PCDH15: variants seen among roughly 807,000 people sequenced by gnomAD.
PCDH15 encodes the protein protocadherin related 15.
In PCDH15, 129 loss-of-function variants were observed where a neutral mutation model predicts 178.5. The observed-to-expected ratio is 0.72, with a 90% CI of 0.63 to 0.84. The LOEUF is 0.84. Among genes scored for constraint, PCDH15 ranks in the 40% least tolerant of loss-of-function variants. The pLI is 0.00. For synonymous variants in PCDH15, 800 were observed against 732.0 expected (o/e 1.09, Z -1.50); for missense variants, 2,230 against 2,099.9 (o/e 1.06, Z -1.21).
At chr10:53,912,714 C>A (rs1383322318) in intron 25 of PCDH15, among the ~76,000 whole-genome samples, 1 of 152,114 alleles carries the variant, frequency 6.6e-6, no homozygotes, top group Admixed American at 6.6e-5. Flanking sequence ...GAATAAAATA[C>A]CTAGGAATCC....
chr10:53,826,162 T>C (rs1159264885), intron 32 of PCDH15, among the ~76,000 whole-genome samples: 1 of 151,868 alleles, frequency 6.6e-6, no homozygotes, highest in Non-Finnish European at 1.5e-5. Context: ...GAAACAATCA[T>C]TTTTCAACTT....
At chr10:54,785,967 T>C (rs7093268) in intron 1 of PCDH15, among the ~76,000 whole-genome samples, 2,558 of 152,088 alleles carry the variant, frequency 0.017, 78 homozygotes, top group African/African-American at 0.059. Context: ...CCTAGAGCTA[T>C]AGACTGAAGT....
At chr10:55,030,098 G>A (rs1276610807) in intron 2 of PCDH15, among the ~76,000 whole-genome samples, 1 of 152,146 alleles carries the variant, frequency 6.6e-6, no homozygotes, top group Non-Finnish European at 1.5e-5. Flanking sequence ...AGCTGGTTAA[G>A]ATTTTATAAT....
chr10:54,505,302 A>T (rs557113888), intron 3 of PCDH15, among the ~76,000 whole-genome samples: 1 of 152,254 alleles, frequency 6.6e-6, no homozygotes, highest in South Asian at 2.1e-4. Flanking sequence ...AGGTCTCTGT[A>T]TGTAGCTAAT....
At chr10:54,273,029 T>A (rs1432333477) in intron 8 of PCDH15, among the ~76,000 whole-genome samples, 3 of 152,222 alleles carry the variant, frequency 2.0e-5, no homozygotes, top group Non-Finnish European at 4.4e-5. Context: ...ACATTTTAAA[T>A]AAGTGAATTT....
chr10:54,329,063 A>T (rs1289772118), intron 7 of PCDH15, among the ~76,000 whole-genome samples: 1 of 151,964 alleles, frequency 6.6e-6, no homozygotes, highest in Non-Finnish European at 1.5e-5. Flanking sequence ...ACATTAGCAT[A>T]AACTTCAGTT....
intron 3 of PCDH15, among the ~76,000 whole-genome samples, chr10:54,896,307 T>G (rs1954544830): frequency 6.6e-6 from 1 of 152,196 alleles, no homozygotes; most frequent in Non-Finnish European, 1.5e-5. Flanking sequence ...CATAAAGCAT[T>G]CACATCTAAT....
intron 3 of PCDH15, among the ~76,000 whole-genome samples, chr10:54,855,255 G>A (rs1953716959): frequency 6.6e-6 from 1 of 152,180 alleles, no homozygotes; most frequent in African/African-American, 2.4e-5. Flanking sequence ...GCAGGAGCAG[G>A]AGACCCAGGT....
rs958119018 is a variant in PCDH15, at chr10:53,804,058, T to C, written c.*2521A>G. The C allele has an allele frequency of 3.3e-5, 5 of 151,986 alleles. No individual in the cohort carries two copies. Among genetic ancestry groups the C allele is most frequent in the Admixed American group, 3.3e-4 (5 of 15,216 alleles). The allele number at this position is 151,986 out of a possible 1,614,324, so 9.4% of individuals were successfully genotyped here. On this transcript the variant is annotated 3_prime_UTR_variant, in exon 38 of 38. Coordinates refer to ENST00000644397, the MANE Select transcript of PCDH15 (RefSeq NM_001384140.1). ...CTAGTGAAAGTTCTATGAAAGTAAC[T>C]ATTTAATTGATCCAGATTTATTTAG...
intron 2 of PCDH15, among the ~76,000 whole-genome samples, chr10:54,995,557 A>C (rs901866172): frequency 2.0e-5 from 3 of 151,970 alleles, no homozygotes; most frequent in Admixed American, 2.0e-4. Context: ...AAATGGTGTC[A>C]GTGAAACTGG....
chr10:54,182,991 T>TA (rs1314950295), intron 13 of PCDH15, among the ~76,000 whole-genome samples: 3 of 151,766 alleles, frequency 2.0e-5, no homozygotes, highest in Non-Finnish European at 4.4e-5. Context: ...TTGTTTTTGT[T>TA]TTTTTTTGAG....
chr10:54,150,308 G>A (rs189199459), intron 14 of PCDH15, among the ~76,000 whole-genome samples: 47 of 152,152 alleles, frequency 3.1e-4, no homozygotes, highest in African/African-American at 6.3e-4. Context: ...TCCACCAACC[G>A]TATCTCTGTG....
chr10:54,306,638 G>C (rs1297362412), intron 8 of PCDH15, among the ~76,000 whole-genome samples: 1 of 151,792 alleles, frequency 6.6e-6, no homozygotes, highest in Non-Finnish European at 1.5e-5. Flanking sequence ...TCAATATCTA[G>C]ATATATTTGA....
At chr10:54,757,747 A>C (rs1447652985) in intron 1 of PCDH15, among the ~76,000 whole-genome samples, 3 of 152,322 alleles carry the variant, frequency 2.0e-5, no homozygotes, top group Non-Finnish European at 4.4e-5. Flanking sequence ...AGACAGAGAG[A>C]GAGAGAAGGG....
At chr10:54,996,590 C>T (rs1839649651) in intron 2 of PCDH15, among the ~76,000 whole-genome samples, 1 of 151,988 alleles carries the variant, frequency 6.6e-6, no homozygotes. Context: ...TGAGCCAGGC[C>T]CTGAATGTGT....
rs138619045 is a variant in PCDH15 at position 53,824,563 on chromosome 10, G to A, written c.4367+2830C>T. ...AAAGAGAAAGAAACAATTCACACAG[G>A]TAGACCTGGAGCATCAAGCCTACTT... On this transcript the variant is annotated intron_variant, in intron 32 of 37. Coordinates refer to ENST00000644397, the MANE Select transcript of PCDH15 (RefSeq NM_001384140.1). 3.5e-3 allele frequency among the ~76,000 whole-genome samples: 538 copies of A among 152,224 alleles called. 10 individuals are homozygous for A. In the East Asian group the frequency reaches 0.051, roughly 14 times the overall value.
chr10:53,835,470 A>G (rs914249446), intron 29 of PCDH15, among the ~76,000 whole-genome samples: 22 of 152,322 alleles, frequency 1.4e-4, no homozygotes, highest in African/African-American at 5.1e-4. Context: ...CAAAATGACA[A>G]AAAAGTGCCA....
At chr10:55,535,149 A>G (rs1841544398) in intron 2 of PCDH15, among the ~76,000 whole-genome samples, 1 of 152,108 alleles carries the variant, frequency 6.6e-6, no homozygotes, top group South Asian at 2.1e-4. Context: ...AAATCTGCAC[A>G]TGTATCTCCT....
chr10:54,757,483 G>A lies in PCDH15; in HGVS notation c.-29+43442C>T, dbSNP rs1232685258. ...TTTTTAGTAGAGACGGGGTTTCACC[G>A]TGTCAGCCAGGATGGTCTCGATCTC... On this transcript the variant is annotated intron_variant, in intron 1 of 37. Transcript: ENST00000644397. Among the ~76,000 whole-genome samples, 8 of 41,574 alleles carry A rather than the reference G, an allele frequency of 1.9e-4. 1 individual carries two copies. Among genetic ancestry groups the A allele is most frequent in the East Asian group, 1.6e-3 (6 of 3,676 alleles). 27.3% of individuals were successfully genotyped at this position (41,574 alleles called of 152,430 possible).
Sources: gnomAD v4.1 joint callset for allele counts (sites outside exome capture counted in the v4.1 genomes callset) on GRCh38, gnomAD v4.1.1 for gene constraint, MANE v1.5 for transcripts, NCBI Gene and HGNC (gene_info 2026-07-23, HGNC 2026-07-21) for gene names.